Variants in TFDP1 observed in about 807,000 individuals in gnomAD.
TFDP1 encodes the protein transcription factor Dp-1.
TFDP1 carries 6 observed loss-of-function variants against 48.0 expected under a neutral mutation model. The ratio of observed to expected loss-of-function variants is 0.13; its 90% CI spans 0.07 to 0.25. TFDP1 has a LOEUF of 0.25. Among genes scored for constraint, TFDP1 ranks in the 10% least tolerant of loss-of-function variants. The pLI is 1.00. For synonymous variants in TFDP1, 201 were observed against 211.6 expected, an observed-to-expected ratio of 0.95 and a Z score of 0.44; for missense variants, 335 against 543.0, an observed-to-expected ratio of 0.62 and a Z score of 3.81.
In TFDP1 at chr13:113,607,847, T is replaced by C. The variant is rs963131273; in HGVS notation, c.13-3149T>C. On this transcript the variant is annotated intron_variant, in intron 2 of 11. Coordinates refer to ENST00000375370, the MANE Select transcript of TFDP1 (RefSeq NM_007111.5). The surrounding 1 kb of genome is among the most constrained non-coding windows in gnomAD (Gnocchi z 5.2). The stretch of plus-strand genomic sequence containing the variant: ...GCTGAGTTCCCATCCCAGCCGGAGC[T>C]GACCACCAAGTCGACGGGGCAGAGT... 9.9e-5 allele frequency among the ~76,000 whole-genome samples: 15 copies of C among 152,206 alleles called. No individual in the cohort carries two copies. The highest frequency in any genetic ancestry group is 1.8e-4 in the Non-Finnish European group (12 of 68,030).
chr13:113,619,090 C>G (rs1309056729), intron 3 of TFDP1, among the ~76,000 whole-genome samples: 6 of 152,114 alleles, frequency 3.9e-5, no homozygotes, highest in Non-Finnish European at 8.8e-5. Flanking sequence ...AAACTTGAAG[C>G]AAGTATGATG....
At chr13:113,620,972 C>G (rs576318318) in intron 3 of TFDP1, among the ~76,000 whole-genome samples, 139 of 152,332 alleles carry the variant, frequency 9.1e-4, no homozygotes, top group South Asian at 2.9e-3. Flanking sequence ...AGAGAAATTA[C>G]TAAGTGTCCT....
rs1326087042 is a variant in TFDP1, at chr13:113,636,652, A to G, written c.958A>G (p.Lys320Glu). The G allele has an allele frequency of 1.9e-6, 3 of 1,611,804 alleles. No homozygotes were observed. The highest frequency in any genetic ancestry group is 2.5e-6 in the Non-Finnish European group (3 of 1,180,026). ...ESGSCSAEDL[K>E]MARSLVPKAL... is the part of the protein sequence containing the mutation. Reference sequence around the variant, plus strand: ...GGGGAGCTGCTCTGCCGAAGACCTTAAAATGGCCAGAAGTCTGGTCCCCAA... The same window carrying G: ...GGGGAGCTGCTCTGCCGAAGACCTTGAAATGGCCAGAAGTCTGGTCCCCAA... The change falls in exon 10 of 12, where the codon AAA becomes GAA. Residue 320 changes from lysine to glutamate, a missense_variant. Transcript: ENST00000375370.
At chr13:113,589,932 C>CA (rs562045764) in intron 2 of TFDP1, among the ~76,000 whole-genome samples, 188 of 152,340 alleles carry the variant, frequency 1.2e-3, no homozygotes, top group African/African-American at 4.2e-3. Context: ...TGTCGTCACA[C>CA]ACGATTGTCC....
rs982421682 is a variant in TFDP1 at position 113,627,816 on chromosome 13, G to A, written c.187-3807G>A. Among the ~76,000 whole-genome samples, 3 of 152,142 alleles carry A rather than the reference G, an allele frequency of 2.0e-5. No homozygotes were observed. The highest frequency in any genetic ancestry group is 1.9e-4 in the East Asian group (1 of 5,176). ...ATCTGAGGTGGGACAGTTTCTTCCC[G>A]AAACTACCCCCGACTCCGGTCTGTG... On this transcript the variant is annotated intron_variant, in intron 4 of 11. Coordinates refer to ENST00000375370, the MANE Select transcript of TFDP1 (RefSeq NM_007111.5). The surrounding 1 kb of genome is among the most constrained non-coding windows in gnomAD (Gnocchi z 4.1).
chr13:113,593,924 G>A (rs144209897), intron 2 of TFDP1, among the ~76,000 whole-genome samples: 3,516 of 130,584 alleles, frequency 0.027, 114 homozygotes, highest in African/African-American at 0.095. Context: ...GTCCTCAGCC[G>A]TGCCCAGGTG....
chr13:113,603,415 T>C (rs1178638978), intron 2 of TFDP1, among the ~76,000 whole-genome samples: 2 of 152,206 alleles, frequency 1.3e-5, no homozygotes, highest in Non-Finnish European at 2.9e-5. Flanking sequence ...CTTCAGGTTG[T>C]GAGAACCGTG....
intron 2 of TFDP1, among the ~76,000 whole-genome samples, chr13:113,588,113 G>A (rs954104924): frequency 7.2e-5 from 11 of 152,134 alleles, no homozygotes; most frequent in African/African-American, 2.7e-4. Flanking sequence ...GCCTCCCAAA[G>A]TGCTGGGATT....
chr13:113,608,718 G>T (rs761935071), intron 2 of TFDP1, among the ~76,000 whole-genome samples: 5 of 152,194 alleles, frequency 3.3e-5, no homozygotes, highest in African/African-American at 4.8e-5. Flanking sequence ...GTCTTACCCA[G>T]TGTGCTTGCT....
At chr13:113,634,237 T>G (rs774940040) in intron 7 of TFDP1, 8 of 742,016 alleles carry the variant, frequency 1.1e-5, no homozygotes, top group Non-Finnish European at 1.9e-5. Flanking sequence ...CACTAGAGTC[T>G]GTTAAACTCT....
At position 113,640,099 on chromosome 13, in the gene TFDP1, C is replaced by T. The variant is rs746416741; in HGVS notation, c.1086-21C>T. 6 of 1,568,950 alleles carry T rather than the reference C, an allele frequency of 3.8e-6. No individual in the cohort carries two copies. In the East Asian group the frequency reaches 1.4e-4, roughly 36 times the overall value. On this transcript the variant is annotated intron_variant, in intron 11 of 11. Transcript: ENST00000375370. ...GGTGGGCCGCCTGCACTGACGGCGC[C>T]ATCCGCCTCCTGCCTTGCAGTGACC...
intron 2 of TFDP1, among the ~76,000 whole-genome samples, chr13:113,601,781 C>T (rs1394810369): frequency 6.6e-6 from 1 of 151,664 alleles, no homozygotes; most frequent in Non-Finnish European, 1.5e-5. Flanking sequence ...AGAGAGAGTT[C>T]TCCGCAGGAG....
Position 113,623,376 on chromosome 13 carries a change from C to T in TFDP1, c.186+90C>T. ...TGGTTGGGGATGTTCCCAGGTGTGC[C>T]TGGATTTGGGCTCCAGTTGCAGCAT... On this transcript the variant is annotated intron_variant, in intron 4 of 11. Transcript: ENST00000375370. This position sits in a 1 kb window ranked among gnomAD's most constrained non-coding sequence, Gnocchi z 5.2. 1 of 1,292,972 alleles carries T rather than the reference C, an allele frequency of 7.7e-7. No individual in the cohort carries two copies. Among genetic ancestry groups the T allele is most frequent in the South Asian group, 1.3e-5 (1 of 75,176 alleles). 80.1% of individuals were successfully genotyped at this position (1,292,972 alleles called of 1,614,324 possible). A position where few individuals can be genotyped will look rare whatever the true frequency, so the allele number is the denominator to read the frequency against.
Position 113,619,220 on chromosome 13 carries a change from C to T in TFDP1, c.80-3960C>T, listed in dbSNP as rs544997409. 1.8e-3 allele frequency among the ~76,000 whole-genome samples: 281 copies of T among 152,312 alleles called. 2 individuals carry two copies. The highest frequency in any genetic ancestry group is 8.9e-3 in the South Asian group (43 of 4,826). ...GGGCGTAGTGGCTAACACCTGTAAT[C>T]CCAGCACTTTGGGAGGCCGAGGCAG... On this transcript the variant is annotated intron_variant, in intron 3 of 11. Coordinates refer to ENST00000375370, the MANE Select transcript of TFDP1 (RefSeq NM_007111.5).
intron 4 of TFDP1, among the ~76,000 whole-genome samples, chr13:113,626,926 T>TG (rs1248863856): frequency 6.6e-6 from 1 of 152,138 alleles, no homozygotes; most frequent in Non-Finnish European, 1.5e-5. Flanking sequence ...GTGAATACAC[T>TG]GGGGGGAAAC....
chr13:113,636,086 C>G lies in TFDP1; in HGVS notation c.797C>G (p.Thr266Ser). 1.2e-6 allele frequency: 2 copies of G among 1,614,238 alleles called. No homozygotes were observed. Among genetic ancestry groups the G allele is most frequent in the Non-Finnish European group, 1.7e-6 (2 of 1,180,040 alleles). Residue 266 changes from threonine (T) to serine (S), a missense_variant, in exon 9 of 12, where the codon ACC becomes AGC. Thr to Ser is a moderately conservative substitution (Grantham distance 58). Around this residue, in one of 3 missense-constraint regions of TFDP1, gnomAD observed 204 missense variants for 287.1 expected, o/e 0.71. Transcript: ENST00000375370. ...CACCTGCCCTTCATCATCGTCAACA[C>G]CAGCAAGAAGACGGTCATCGACTGC... ...VIHLPFIIVN[T>S]SKKTVIDCSI...
At position 113,611,718 on chromosome 13, in the gene TFDP1, C is replaced by T. The variant is rs574150677; in HGVS notation, c.79+656C>T. ...TCCTTACCTGTGCTGGGTCAGGGCACGCCATTTAGAAGCTTTGATGTGCGA... is the reference window on the plus strand; with the variant it reads ...TCCTTACCTGTGCTGGGTCAGGGCATGCCATTTAGAAGCTTTGATGTGCGA... On this transcript the variant is annotated intron_variant, in intron 3 of 11. Coordinates refer to ENST00000375370, the MANE Select transcript of TFDP1 (RefSeq NM_007111.5). 7.2e-4 allele frequency among the ~76,000 whole-genome samples: 110 copies of T among 152,216 alleles called. 1 individual carries two copies. The highest frequency in any genetic ancestry group is 2.7e-3 in the Admixed American group (41 of 15,286).
rs769753533 is a variant in TFDP1, at chr13:113,636,538, G to C, written c.844G>C (p.Glu282Gln). The change falls in exon 10 of 12, where the codon GAG (glutamate) becomes CAG (glutamine). Residue 282 changes from glutamate to glutamine, a missense_variant. Glu to Gln is a conservative substitution (Grantham distance 29). Transcript: ENST00000375370. ...GACTGTGCCTTTCCCCTTCAGATTTGAGTATCTGTTTAATTTTGACAACAC... is the reference window on the plus strand; with the variant it reads ...GACTGTGCCTTTCCCCTTCAGATTTCAGTATCTGTTTAATTTTGACAACAC... ...IDCSISNDKF[E>Q]YLFNFDNTFE... is the part of the protein sequence containing the mutation. 24 of 1,613,688 alleles carry C rather than the reference G, an allele frequency of 1.5e-5. No homozygotes were observed. The Admixed American group carries it at 3.3e-4, about 22-fold the overall frequency.
chr13:113,617,628 TCACCTGCAGAGCC>T (rs1566659656), intron 3 of TFDP1, among the ~76,000 whole-genome samples: 10 of 131,370 alleles, frequency 7.6e-5, no homozygotes, highest in Non-Finnish European at 1.7e-4. Context: ...GCAGAGCCGC[TCACCTGCAGAGCC>T]GCTCACCTGC....
Sources: allele counts gnomAD v4.1 joint callset (sites outside exome capture counted in the v4.1 genomes callset), GRCh38; gene constraint gnomAD v4.1.1; regional missense constraint gnomAD v4.1.1; non-coding constraint Gnocchi (gnomAD v3.1); transcripts MANE v1.5; gene names NCBI Gene and HGNC (gene_info 2026-07-23, HGNC 2026-07-21).